ADGRL3: variants seen among roughly 807,000 people sequenced by gnomAD.
ADGRL3 encodes calcium-independent alpha-latrotoxin receptor 3.
In ADGRL3, 62 loss-of-function variants were observed where a neutral mutation model predicts 153.5. That is an observed-to-expected ratio of 0.40 (90% CI 0.33 to 0.50). The LOEUF is 0.50. Ranked by LOEUF, ADGRL3 falls within the 20% of genes least tolerant of loss-of-function variation. The probability of loss-of-function intolerance (pLI) is 0.47; values close to 1 mark genes in which losing one functional copy is unlikely to be tolerated. For synonymous variants in ADGRL3, 710 were observed against 672.5 expected (o/e 1.06, Z -0.86); for missense variants, 1,641 against 1,859.4 (o/e 0.88, Z 2.16).
intron 5 of ADGRL3, among the ~76,000 whole-genome samples, chr4:61,666,023 A>G (rs1423194840): frequency 6.6e-6 from 1 of 152,220 alleles, no homozygotes; most frequent in Non-Finnish European, 1.5e-5. Flanking sequence ...ATGTAGTATA[A>G]CTTACTACTG....
intron 1 of ADGRL3, among the ~76,000 whole-genome samples, chr4:61,220,753 T>A (rs1745082019): frequency 6.6e-6 from 1 of 152,200 alleles, no homozygotes; most frequent in South Asian, 2.1e-4. Flanking sequence ...TTCATGTATA[T>A]CAAACTATCT....
At chr4:61,218,981 C>T (rs891360578) in intron 1 of ADGRL3, among the ~76,000 whole-genome samples, 1 of 152,276 alleles carries the variant, frequency 6.6e-6, no homozygotes, top group African/African-American at 2.4e-5. Context: ...ATTGGCTGCT[C>T]TATGTAGACA....
At chr4:61,793,526 C>G (rs2097370147) in intron 8 of ADGRL3, among the ~76,000 whole-genome samples, 1 of 152,164 alleles carries the variant, frequency 6.6e-6, no homozygotes, top group South Asian at 2.1e-4. Flanking sequence ...CCCACTGGGT[C>G]CCTCCCACAG....
chr4:62,074,831 G>A lies in ADGRL3; in HGVS notation c.*3923G>A, dbSNP rs1019467373. On this transcript the variant is annotated 3_prime_UTR_variant, in exon 27 of 27. Transcript: ENST00000683033. ...AGATCTAGGTTTAAGATTCTTATTA[G>A]TATTAACTTAATTGGTATGACAAAA... 12 of 152,166 alleles carry A rather than the reference G, an allele frequency of 7.9e-5. No homozygotes were observed. The highest frequency in any genetic ancestry group is 2.9e-4 in the African/African-American group (12 of 41,530). The allele number at this position is 152,166 out of a possible 1,614,324, so 9.4% of individuals were successfully genotyped here.
At chr4:61,565,060 A>C (rs2098810841) in intron 4 of ADGRL3, among the ~76,000 whole-genome samples, 1 of 152,204 alleles carries the variant, frequency 6.6e-6, no homozygotes, top group South Asian at 2.1e-4. Context: ...AAGAATGACC[A>C]AAATGTGACA....
intron 19 of ADGRL3, among the ~76,000 whole-genome samples, chr4:61,992,524 C>T (rs994334409): frequency 2.0e-5 from 3 of 152,116 alleles, no homozygotes; most frequent in Non-Finnish European, 4.4e-5. Context: ...TGGCCAGAAA[C>T]AACAGCAGGT....
intron 2 of ADGRL3, among the ~76,000 whole-genome samples, chr4:61,482,554 C>A (rs562273638): frequency 2.2e-4 from 34 of 152,220 alleles, no homozygotes; most frequent in Non-Finnish European, 3.7e-4. Context: ...CGAGAAAAGA[C>A]TGAACAAAGA....
chr4:61,474,828 A>G (rs2098023385), intron 2 of ADGRL3, among the ~76,000 whole-genome samples: 1 of 152,156 alleles, frequency 6.6e-6, no homozygotes, highest in Admixed American at 6.5e-5. Context: ...ATTATATTTT[A>G]CCTATCTATC....
intron 6 of ADGRL3, among the ~76,000 whole-genome samples, chr4:61,725,213 C>A (rs531982863): frequency 6.6e-6 from 1 of 152,256 alleles, no homozygotes; most frequent in South Asian, 2.1e-4. Context: ...TTCAACTTGA[C>A]CTAAACAAAG....
chr4:61,977,244 G>C (rs1401016347), intron 17 of ADGRL3, among the ~76,000 whole-genome samples: 1 of 149,690 alleles, frequency 6.7e-6, no homozygotes, highest in Non-Finnish European at 1.5e-5. Flanking sequence ...AGGTGTTTCA[G>C]GTCTTTTGGA....
chr4:61,482,251 A>G (rs977398641), intron 2 of ADGRL3, among the ~76,000 whole-genome samples: 1 of 152,212 alleles, frequency 6.6e-6, no homozygotes, highest in African/African-American at 2.4e-5. Flanking sequence ...AGTTGCTTCA[A>G]CACTTTTCAT....
intron 5 of ADGRL3, among the ~76,000 whole-genome samples, chr4:61,588,315 CA>C (rs2098955176): frequency 6.6e-6 from 1 of 151,762 alleles, no homozygotes; most frequent in African/African-American, 2.4e-5. Flanking sequence ...AGTCTAAAGA[CA>C]AAAACAGTAG....
chr4:61,761,905 T>C (rs950302294), intron 8 of ADGRL3, among the ~76,000 whole-genome samples: 1 of 152,216 alleles, frequency 6.6e-6, no homozygotes, highest in Non-Finnish European at 1.5e-5. Context: ...TACTCCAGCC[T>C]GGGCAACAGA....
intron 5 of ADGRL3, among the ~76,000 whole-genome samples, chr4:61,621,604 C>A (rs888823626): frequency 6.6e-6 from 1 of 151,988 alleles, no homozygotes; most frequent in Non-Finnish European, 1.5e-5. Flanking sequence ...ATACTATAAT[C>A]TTAATATTAG....
At chr4:61,679,322 C>G (rs1343435406) in intron 6 of ADGRL3, among the ~76,000 whole-genome samples, 1 of 152,022 alleles carries the variant, frequency 6.6e-6, no homozygotes, top group East Asian at 1.9e-4. Flanking sequence ...TGGCCCATCT[C>G]CAACACTGGA....
At chr4:61,714,218 T>TACGCACACACATACACAC (rs1554010614) in intron 6 of ADGRL3, among the ~76,000 whole-genome samples, 3 of 128,882 alleles carry the variant, frequency 2.3e-5, no homozygotes, top group African/African-American at 8.4e-5. Flanking sequence ...CCATGTAAAA[T>TACGCACACACATACACAC]ACGCACACAC....
At position 61,947,114 on chromosome 4, in the gene ADGRL3, C is replaced by A. The variant is rs1009058009; in HGVS notation, c.2620C>A (p.His874Asn). 1.2e-6 allele frequency: 2 copies of A among 1,612,678 alleles called. No homozygotes were observed. Among genetic ancestry groups the A allele is most frequent in the African/African-American group, 2.7e-5 (2 of 75,010 alleles). ...TGATCCTGTGGTATTTACTGTTAAA[C>A]ATATCAAGGTAAGAAAATGGCATAT... is the stretch of plus-strand genomic sequence containing the variant. ...LADPVVFTVK[H>N]IKQSEENFNP... The change falls in exon 16 of 27, where the codon CAT (histidine) becomes AAT (asparagine). Residue 874 changes from histidine (H) to asparagine (N), a missense_variant. This residue lies in a region of ADGRL3 where 734 missense variants were observed against 797.0 expected (regional missense o/e 0.92). Transcript: ENST00000683033.
At chr4:61,422,567 T>G (rs1004531028) in intron 2 of ADGRL3, among the ~76,000 whole-genome samples, 2 of 152,148 alleles carry the variant, frequency 1.3e-5, no homozygotes, top group Non-Finnish European at 2.9e-5. Flanking sequence ...GTAAACGTGA[T>G]AAAACCAAAA....
intron 1 of ADGRL3, among the ~76,000 whole-genome samples, chr4:61,359,214 A>T (rs1352816977): frequency 6.6e-6 from 1 of 152,066 alleles, no homozygotes; most frequent in Admixed American, 6.6e-5. Flanking sequence ...ACTCATCTGG[A>T]TTATTGTGTA....
Sources: allele counts gnomAD v4.1 joint callset (sites outside exome capture counted in the v4.1 genomes callset), GRCh38; gene constraint gnomAD v4.1.1; regional missense constraint gnomAD v4.1.1; transcripts MANE v1.5; gene names NCBI Gene and HGNC (gene_info 2026-07-23, HGNC 2026-07-21).